Variants in MYO15B observed in about 807,000 individuals in gnomAD.
MYO15B encodes the protein myosin XVB, also known as myosin XVB pseudogene.
MYO15B carries 207 observed loss-of-function variants against 119.3 expected under a neutral mutation model. That is an observed-to-expected ratio of 1.73 (90% CI 1.55 to 1.95). MYO15B has a LOEUF of 1.95. MYO15B is among the 30% of genes most tolerant of loss of function. The pLI is 0.00. For missense variants in MYO15B, 2,264 were observed against 1,203.1 expected, an observed-to-expected ratio of 1.88 and a Z score of -13.04; for synonymous variants, 966 against 498.9, an observed-to-expected ratio of 1.94 and a Z score of -12.48.
At chr17:75,615,730 T>TGGAGCAGCAGATGCAGCAGCG in exon 36 of MYO15B, 1 of 698,620 alleles carries the variant, frequency 1.4e-6, no homozygotes, top group Middle Eastern at 2.3e-4. Context: ...TCCCTGTCCC[T>TGGAGCAGCAGATGCAGCAGCG]GGAGCAGCAG....
At chr17:75,617,478 C>T (rs1418332994) in intron 41 of MYO15B, 174 bp downstream of exon 41, 2 of 552,592 alleles carry the variant, frequency 3.6e-6, no homozygotes, top group East Asian at 6.1e-5. Flanking sequence ...GCGTTCCCAC[C>T]CAGGGCAGGG....
rs1396422483 is a variant in MYO15B, at chr17:75,589,168, G to C, written c.1111G>C (p.Ala371Pro). Residue 371 changes from alanine (A) to proline (P), a missense_variant, in exon 1 of 64, where the codon GCG becomes CCG. Transcript: ENST00000645453. This position sits in a 1 kb window ranked among gnomAD's most constrained non-coding sequence, Gnocchi z 4.2. Reference sequence around the variant, plus strand: ...CCTCAAGGAGCGGCTCCTGAGTGTAGCGCGAGCCCTGGGCCTCCTGCGCTG... The same window carrying C: ...CCTCAAGGAGCGGCTCCTGAGTGTACCGCGAGCCCTGGGCCTCCTGCGCTG... The C allele has an allele frequency of 1.0e-5, 4 of 393,414 alleles. No homozygotes were observed. Among genetic ancestry groups the C allele is most frequent in the African/African-American group, 8.3e-5 (4 of 48,290 alleles). The allele number at this position is 393,414 out of a possible 1,614,324, so 24.4% of individuals were successfully genotyped here.
intron 20 of MYO15B, 37 bp from the exon 21 acceptor site, chr17:75,605,827 C>T (rs747039769): frequency 6.1e-6 from 4 of 656,944 alleles, no homozygotes; most frequent in African/African-American, 5.3e-5. Flanking sequence ...GGGGCTGGCT[C>T]CTGGCTCCTG....
chr17:75,594,412 C>T (rs963652892), intron 9 of MYO15B, 63 bp from the exon 10 acceptor site: 3 of 572,342 alleles, frequency 5.2e-6, no homozygotes, highest in African/African-American at 3.8e-5. Flanking sequence ...CCCGGCCTGC[C>T]CTGCCTGGGG....
rs1344472576 is a variant in MYO15B, at chr17:75,589,538, G to C, written c.1481G>C (p.Arg494Pro). The change falls in exon 1 of 64, where the codon CGG (arginine) becomes CCG (proline). Residue 494 changes from arginine to proline, a missense_variant. Coordinates refer to ENST00000645453, the Ensembl canonical transcript of MYO15B. This position sits in a 1 kb window ranked among gnomAD's most constrained non-coding sequence, Gnocchi z 4.2. ...GGGTGGGGCCGTGAGCCCGGGCTGC[G>C]GCACCGTCTAGCGTTGCGCCTGGCT... 7.5e-6 allele frequency: 3 copies of C among 398,578 alleles called. No homozygotes were observed. Among genetic ancestry groups the C allele is most frequent in the Non-Finnish European group, 8.8e-6 (2 of 226,114 alleles). 24.7% of individuals were successfully genotyped at this position (398,578 alleles called of 1,614,324 possible). A position where few individuals can be genotyped will look rare whatever the true frequency, so the allele number is the denominator to read the frequency against.
At position 75,624,544 on chromosome 17, in the gene MYO15B, TAGC is replaced by T. The variant is rs771990129; in HGVS notation, c.8453_8455del (p.Ala2818del). Reference sequence around the variant, plus strand: ...ATCACAGTCTGTCCACATGCCCAGGTAGCAGCAGAAGTGCAGGAGGAGCTGTGC... The same window carrying T: ...ATCACAGTCTGTCCACATGCCCAGGTAGCAGAAGTGCAGGAGGAGCTGTGC... On this transcript the variant is annotated inframe_deletion and splice_region_variant, in exon 58 of 64. Coordinates refer to ENST00000645453, the Ensembl canonical transcript of MYO15B. 34 of 702,962 alleles carry T rather than the reference TAGC, an allele frequency of 4.8e-5. No homozygotes were observed. In the South Asian group the frequency reaches 4.9e-4, roughly 10 times the overall value. 43.5% of individuals were successfully genotyped at this position (702,962 alleles called of 1,614,324 possible). A position where few individuals can be genotyped will look rare whatever the true frequency, so the allele number is the denominator to read the frequency against.
At chr17:75,622,654 C>CT (rs1390706470) in intron 53 of MYO15B, among the ~76,000 whole-genome samples, 5 of 152,130 alleles carry the variant, frequency 3.3e-5, no homozygotes, top group South Asian at 4.1e-4. Flanking sequence ...TTCTGGGTGT[C>CT]TAAGTTTAAA....
At position 75,619,051 on chromosome 17, in the gene MYO15B, C is replaced by T. The variant is rs983939360; in HGVS notation, c.6988-92C>T. On this transcript the variant is annotated intron_variant, in intron 43 of 63. Transcript: ENST00000645453. Reference sequence around the variant, plus strand: ...GGGGGCCAGGGCGCCCTCCATCGGCCTCCTCAGGTTTTCCTTCATGCATGT... The same window carrying T: ...GGGGGCCAGGGCGCCCTCCATCGGCTTCCTCAGGTTTTCCTTCATGCATGT... 7.2e-5 allele frequency: 50 copies of T among 690,844 alleles called. No homozygotes were observed. In the East Asian group the frequency reaches 1.3e-3, roughly 17 times the overall value. 42.8% of individuals were successfully genotyped at this position (690,844 alleles called of 1,614,324 possible). A position where few individuals can be genotyped will look rare whatever the true frequency, so the allele number is the denominator to read the frequency against.
intron 43 of MYO15B, among the ~76,000 whole-genome samples, chr17:75,618,408 A>G (rs1006928178): frequency 6.6e-6 from 1 of 152,182 alleles, no homozygotes; most frequent in Non-Finnish European, 1.5e-5. Flanking sequence ...TAATCCCAGC[A>G]CTTTGGGAGG....
At chr17:75,595,929 T>A (rs2056829491) in intron 12 of MYO15B, among the ~76,000 whole-genome samples, 1 of 152,242 alleles carries the variant, frequency 6.6e-6, no homozygotes, top group South Asian at 2.1e-4. Flanking sequence ...CCCCCTGTTC[T>A]GTCCCACAAT....
chr17:75,593,873 T>A (rs1339859548), intron 9 of MYO15B, among the ~76,000 whole-genome samples: 1 of 146,424 alleles, frequency 6.8e-6, no homozygotes, highest in East Asian at 2.0e-4. Context: ...GAGCCAAGAC[T>A]ATGCCATTGC....
chr17:75,600,303 A>T (rs1004012789), intron 14 of MYO15B, among the ~76,000 whole-genome samples: 1 of 152,040 alleles, frequency 6.6e-6, no homozygotes, highest in African/African-American at 2.4e-5. Context: ...CTGGGATTAC[A>T]GGCGTGAGCC....
At chr17:75,607,858 G>T (rs370111434) in intron 21 of MYO15B, among the ~76,000 whole-genome samples, 1 of 152,252 alleles carries the variant, frequency 6.6e-6, no homozygotes. Context: ...TTTCTGAGGA[G>T]CTGCCAAATT....
chr17:75,625,254 T>C lies in MYO15B; in HGVS notation c.8804+16T>C. The C allele has an allele frequency of 1.5e-6, 1 of 689,052 alleles. No homozygotes were observed. 42.7% of individuals were successfully genotyped at this position (689,052 alleles called of 1,614,324 possible). A position where few individuals can be genotyped will look rare whatever the true frequency, so the allele number is the denominator to read the frequency against. On this transcript the variant is annotated intron_variant, in intron 60 of 63. Transcript: ENST00000645453. ...CCCCCTCAGGGTGAGTGGAGGCACCTCCCGCCCCTAAGCCCCTCCCCTTCT... is the reference window on the plus strand; with the variant it reads ...CCCCCTCAGGGTGAGTGGAGGCACCCCCCGCCCCTAAGCCCCTCCCCTTCT...
Position 75,625,557 on chromosome 17 carries a change from G to A in MYO15B, c.8835G>A (p.Gln2945=), listed in dbSNP as rs1312475819. ...ACCTGCTAGCTTACGTGCCAAAGCA[G>A]CTGCAACGGCAGGTGAACACGGCCT... Residue 2945 remains glutamine, a synonymous_variant, in exon 61 of 64, where the codon CAG becomes CAA. Transcript: ENST00000645453. The A allele has an allele frequency of 4.3e-6, 3 of 703,114 alleles. No homozygotes were observed. The Admixed American group carries it at 6.0e-5, about 14-fold the overall frequency. 43.6% of individuals were successfully genotyped at this position (703,114 alleles called of 1,614,324 possible). A position where few individuals can be genotyped will look rare whatever the true frequency, so the allele number is the denominator to read the frequency against.
At chr17:75,614,630 C>A in exon 31 of MYO15B, 1 of 700,928 alleles carries the variant, frequency 1.4e-6, no homozygotes, top group Non-Finnish European at 2.6e-6. Context: ...CCCTCACTGC[C>A]CCCAGGACCC....
At chr17:75,618,235 C>G (rs1310321270) in intron 43 of MYO15B, 50 bp downstream of exon 43, 2 of 701,474 alleles carry the variant, frequency 2.9e-6, no homozygotes, top group Non-Finnish European at 5.2e-6. Context: ...AGACAGCATC[C>G]TTCGTGCCCT....
intron 53 of MYO15B, among the ~76,000 whole-genome samples, chr17:75,622,687 G>C (rs146025181): frequency 6.6e-6 from 1 of 152,228 alleles, no homozygotes; most frequent in Non-Finnish European, 1.5e-5. Flanking sequence ...TTATTGCAGT[G>C]GTCCCAGGTG....
intron 21 of MYO15B, among the ~76,000 whole-genome samples, chr17:75,606,537 G>C (rs576962902): frequency 6.6e-6 from 1 of 150,954 alleles, no homozygotes; most frequent in Non-Finnish European, 1.5e-5. Flanking sequence ...GTAATGGTGC[G>C]ATCTCGGGTC....
Sources: allele counts gnomAD v4.1 joint callset (sites outside exome capture counted in the v4.1 genomes callset), GRCh38; gene constraint gnomAD v4.1.1; non-coding constraint Gnocchi (gnomAD v3.1); transcripts MANE v1.5; gene names NCBI Gene and HGNC (gene_info 2026-07-23, HGNC 2026-07-21).